Variants in BICD1 observed in about 807,000 individuals in gnomAD.
BICD1 encodes BICD cargo adaptor 1.
Under a neutral mutation model 92.5 loss-of-function variants are expected in BICD1, and 35 were observed. That is an observed-to-expected ratio of 0.38 (90% CI 0.29 to 0.50). The LOEUF (loss-of-function observed/expected upper bound fraction) is 0.50, where lower values mean the gene tolerates loss of function less well. Ranked by LOEUF, BICD1 falls within the 20% of genes least tolerant of loss-of-function variation. The pLI, the probability that BICD1 is intolerant of heterozygous loss-of-function variation, is 0.93. For synonymous variants in BICD1, 429 were observed against 465.1 expected, an observed-to-expected ratio of 0.92 and a Z score of 1.00; for missense variants, 950 against 1,189.8, an observed-to-expected ratio of 0.80 and a Z score of 2.97.
chr12:32,342,124 A>ATATATATATG (rs1938389602), intron 8 of BICD1, among the ~76,000 whole-genome samples: 3 of 83,860 alleles, frequency 3.6e-5, no homozygotes, highest in African/African-American at 2.0e-4. Context: ...TTACATATAT[A>ATATATATATG]TGTATATATA....
At chr12:32,233,351 A>C (rs1945954619) in intron 2 of BICD1, among the ~76,000 whole-genome samples, 2 of 144,106 alleles carry the variant, frequency 1.4e-5, no homozygotes, top group South Asian at 4.5e-4. Context: ...GTAGGCTTAC[A>C]CATATTCCCT....
At position 32,377,708 on chromosome 12, in the gene BICD1, T is replaced by C; in HGVS notation, c.*81T>C. Reference sequence around the variant, plus strand: ...ATACTGCCCAAGATCCAGCGGGTGTTTTCTTCTCGGTTGTTAGATGTACAA... The same window carrying C: ...ATACTGCCCAAGATCCAGCGGGTGTCTTCTTCTCGGTTGTTAGATGTACAA... On this transcript the variant is annotated 3_prime_UTR_variant, in exon 10 of 10. Coordinates refer to ENST00000652176, the MANE Select transcript of BICD1 (RefSeq NM_001714.4). 7.8e-7 allele frequency: 1 copy of C among 1,278,498 alleles called. No individual in the cohort carries two copies. Among genetic ancestry groups the C allele is most frequent in the South Asian group, 1.2e-5 (1 of 83,512 alleles). 79.2% of individuals were successfully genotyped at this position (1,278,498 alleles called of 1,614,324 possible).
At chr12:32,375,273 A>G (rs1939906253) in intron 9 of BICD1, among the ~76,000 whole-genome samples, 1 of 151,864 alleles carries the variant, frequency 6.6e-6, no homozygotes, top group African/African-American at 2.4e-5. Flanking sequence ...TCGTGTGTGT[A>G]ATCTCAGCAC....
intron 2 of BICD1, among the ~76,000 whole-genome samples, chr12:32,268,958 G>A (rs538623674): frequency 2.0e-5 from 3 of 152,178 alleles, no homozygotes; most frequent in African/African-American, 4.8e-5. Context: ...TTCTTCTTTG[G>A]ACTACTTGTC....
chr12:32,206,158 G>A (rs1467461373), intron 1 of BICD1, among the ~76,000 whole-genome samples: 1 of 152,208 alleles, frequency 6.6e-6, no homozygotes, highest in Non-Finnish European at 1.5e-5. Context: ...ACATTTGTGT[G>A]TAAATCTTTA....
At chr12:32,342,204 GTATATATATATATA>G (rs3075972) in intron 8 of BICD1, among the ~76,000 whole-genome samples, 2 of 119,302 alleles carry the variant, frequency 1.7e-5, no homozygotes, top group African/African-American at 3.2e-5. Context: ...GTGTGTGTGT[GTATATATATATATA>G]TATATATATA....
intron 1 of BICD1, among the ~76,000 whole-genome samples, chr12:32,167,874 C>A (rs1943817147): frequency 6.6e-6 from 1 of 152,144 alleles, no homozygotes; most frequent in Non-Finnish European, 1.5e-5. Context: ...CTTCCTTGTA[C>A]CAAATCTCAG....
chr12:32,113,752 C>T (rs1316818293), intron 1 of BICD1, among the ~76,000 whole-genome samples: 2 of 150,454 alleles, frequency 1.3e-5, no homozygotes, highest in Non-Finnish European at 3.0e-5. Flanking sequence ...CTCTATCACC[C>T]AGGCTGGAGT....
At chr12:32,237,194 C>T (rs1328178225) in intron 2 of BICD1, among the ~76,000 whole-genome samples, 1 of 152,072 alleles carries the variant, frequency 6.6e-6, no homozygotes, top group Non-Finnish European at 1.5e-5. Context: ...AACCCTAATT[C>T]AGAGCAAGGC....
intron 1 of BICD1, among the ~76,000 whole-genome samples, chr12:32,203,952 A>T (rs1374088288): frequency 6.6e-6 from 1 of 152,168 alleles, no homozygotes; most frequent in African/African-American, 2.4e-5. Flanking sequence ...ACCCATAAAT[A>T]CTTGAGGAAG....
intron 1 of BICD1, among the ~76,000 whole-genome samples, chr12:32,156,759 A>G (rs1943450906): frequency 6.6e-6 from 1 of 152,234 alleles, no homozygotes; most frequent in Non-Finnish European, 1.5e-5. Flanking sequence ...TGTATTGCAG[A>G]ACACTCATGT....
intron 1 of BICD1, among the ~76,000 whole-genome samples, chr12:32,194,269 G>A (rs571722224): frequency 6.6e-6 from 1 of 152,220 alleles, no homozygotes; most frequent in African/African-American, 2.4e-5. Context: ...AAAGCTAAAA[G>A]CTTTTCCTCT....
At chr12:32,111,532 TAA>T (rs1173350799) in intron 1 of BICD1, among the ~76,000 whole-genome samples, 3 of 152,204 alleles carry the variant, frequency 2.0e-5, no homozygotes, top group Admixed American at 6.5e-5. Flanking sequence ...TGAATAAACA[TAA>T]AGAGACAGTT....
chr12:32,358,123 A>G (rs567503271), intron 8 of BICD1, among the ~76,000 whole-genome samples: 2 of 152,186 alleles, frequency 1.3e-5, no homozygotes, highest in Admixed American at 1.3e-4. Flanking sequence ...TGTTTTTGAG[A>G]CAGAGTCTCG....
chr12:32,165,447 C>A (rs1033428923), intron 1 of BICD1, among the ~76,000 whole-genome samples: 23 of 152,094 alleles, frequency 1.5e-4, no homozygotes, highest in South Asian at 6.2e-4. Context: ...ACCCGGGAGG[C>A]GGAGCTTGCA....
chr12:32,266,814 C>T (rs139121908), intron 2 of BICD1, among the ~76,000 whole-genome samples: 1,535 of 150,350 alleles, frequency 0.01, 31 homozygotes, highest in African/African-American at 0.035. Flanking sequence ...GCCAAGATCA[C>T]GTCACCGCAC....
intron 5 of BICD1, among the ~76,000 whole-genome samples, chr12:32,330,688 A>G (rs1022542036): frequency 3.3e-5 from 5 of 152,128 alleles, no homozygotes; most frequent in Non-Finnish European, 5.9e-5. Context: ...TTATTATTGT[A>G]ACTCTGCTAT....
At chr12:32,258,069 A>G (rs55766406) in intron 2 of BICD1, among the ~76,000 whole-genome samples, 7,857 of 152,294 alleles carry the variant, frequency 0.052, 234 homozygotes, top group Middle Eastern at 0.11. Flanking sequence ...GAATTGCAGC[A>G]GAGTATGCTT....
chr12:32,206,335 G>C (rs1945054587), intron 1 of BICD1, among the ~76,000 whole-genome samples: 1 of 152,240 alleles, frequency 6.6e-6, no homozygotes, highest in Non-Finnish European at 1.5e-5. Context: ...GCCGGGAGCA[G>C]GGGCTCATGC....
Sources: gnomAD v4.1 joint callset for allele counts (sites outside exome capture counted in the v4.1 genomes callset) on GRCh38, gnomAD v4.1.1 for gene constraint, MANE v1.5 for transcripts, NCBI Gene and HGNC (gene_info 2026-07-23, HGNC 2026-07-21) for gene names.